The following LY86 variants were observed in gnomAD, a reference collection of about 807,000 sequenced individuals.
LY86 encodes MD-1, RP105-associated.
A neutral mutation model predicts 17.3 loss-of-function variants in LY86; 20 were observed. The observed-to-expected ratio is 1.15, with a 90% CI of 0.81 to 1.68. LY86 has a LOEUF of 1.68. Among genes scored for constraint, LY86 ranks in the 40% most tolerant of loss-of-function variants. The pLI is 0.00. For missense variants in LY86, 200 were observed against 191.9 expected (o/e 1.04, Z -0.25); for synonymous variants, 74 against 70.6 (o/e 1.05, Z -0.24).
intron 4 of LY86, among the ~76,000 whole-genome samples, chr6:6,650,157 T>A (rs1192989608): frequency 6.6e-6 from 1 of 152,188 alleles, no homozygotes; most frequent in Non-Finnish European, 1.5e-5. Context: ...TTGTTACTCA[T>A]AAGCTGCCAC....
At position 6,642,856 on chromosome 6, in the gene LY86, A is replaced by G. The variant is rs1307187829; in HGVS notation, c.353-6769A>G. ...AGAGCTCACTAGAACGAAGCCATGC[A>G]CTCCCTCCCTCCTCCTCCTCCGGAG... On this transcript the variant is annotated intron_variant, in intron 3 of 4. Coordinates refer to ENST00000230568, the MANE Select transcript of LY86 (RefSeq NM_004271.4). Among the ~76,000 whole-genome samples, 3 of 151,748 alleles carry G rather than the reference A, an allele frequency of 2.0e-5. No individual in the cohort carries two copies. In the East Asian group the frequency reaches 5.8e-4, roughly 29 times the overall value.
At chr6:6,598,044 T>C (rs1451996356) in intron 1 of LY86, among the ~76,000 whole-genome samples, 1 of 152,254 alleles carries the variant, frequency 6.6e-6, no homozygotes, top group African/African-American at 2.4e-5. Context: ...AGGGCCTCTC[T>C]GTGTGCTTTA....
At chr6:6,592,114 G>A (rs76628284) in intron 1 of LY86, among the ~76,000 whole-genome samples, 4,238 of 152,284 alleles carry the variant, frequency 0.028, 79 homozygotes, top group Middle Eastern at 0.061. Context: ...AATAATTCAG[G>A]AAAGAAACCA....
chr6:6,654,423 C>T, intron 4 of LY86, 121 bp from the exon 5 acceptor site: 5 of 738,898 alleles, frequency 6.8e-6, no homozygotes, highest in Non-Finnish European at 1.2e-5. Context: ...TTGTCTTGTT[C>T]TACGTTATCC....
chr6:6,602,674 C>T (rs1417811900), intron 1 of LY86, among the ~76,000 whole-genome samples: 2 of 152,054 alleles, frequency 1.3e-5, no homozygotes, highest in Non-Finnish European at 2.9e-5. Context: ...GTCCTGGGGA[C>T]CCTGGGGAGC....
At chr6:6,610,562 G>T (rs1194934303) in intron 1 of LY86, among the ~76,000 whole-genome samples, 2 of 152,170 alleles carry the variant, frequency 1.3e-5, no homozygotes, top group East Asian at 3.9e-4. Context: ...CAAGGTGAGT[G>T]CTAGCTGATG....
intron 1 of LY86, among the ~76,000 whole-genome samples, chr6:6,610,380 T>C (rs749910875): frequency 6.6e-6 from 1 of 152,132 alleles, no homozygotes; most frequent in African/African-American, 2.4e-5. Flanking sequence ...AGGCTACGCA[T>C]CTCCCTCTGC....
At chr6:6,632,998 G>A (rs948506671) in intron 3 of LY86, among the ~76,000 whole-genome samples, 18 of 152,262 alleles carry the variant, frequency 1.2e-4, no homozygotes, top group African/African-American at 4.1e-4. Context: ...TTTATCAAGC[G>A]TTCAACACAT....
intron 1 of LY86, among the ~76,000 whole-genome samples, chr6:6,613,275 C>G (rs985743984): frequency 6.6e-6 from 1 of 152,218 alleles, no homozygotes; most frequent in African/African-American, 2.4e-5. Context: ...GCCGTGCGCC[C>G]GCACTCCTCA....
intron 1 of LY86, among the ~76,000 whole-genome samples, chr6:6,612,563 A>G (rs796983802): frequency 3.9e-5 from 6 of 152,240 alleles, no homozygotes; most frequent in African/African-American, 9.6e-5. Flanking sequence ...ACCAGTTGTC[A>G]CTAGTGGAGC....
chr6:6,612,473 G>A (rs141907429), intron 1 of LY86, among the ~76,000 whole-genome samples: 48 of 152,220 alleles, frequency 3.2e-4, no homozygotes, highest in South Asian at 1.2e-3. Flanking sequence ...TAAAAGCAAT[G>A]CAGACCCAAA....
chr6:6,611,639 C>G (rs375162776), intron 1 of LY86, among the ~76,000 whole-genome samples: 2 of 152,256 alleles, frequency 1.3e-5, no homozygotes, highest in African/African-American at 4.8e-5. Context: ...GTCACCCACA[C>G]TGGTGCCTCC....
In LY86 at chr6:6,589,052, C is replaced by T. The variant is rs535938567; in HGVS notation, c.136+182C>T. Among the ~76,000 whole-genome samples the T allele has an allele frequency of 2.2e-4, 33 of 152,220 alleles. No individual in the cohort carries two copies. The South Asian group carries it at 6.8e-3, about 32-fold the overall frequency. ...GCTTTTGGAAGAAGGAGCGGTGGGG[C>T]CAGGACTGGGAGCGGAAGAGAATGG... On this transcript the variant is annotated intron_variant, in intron 1 of 4. Transcript: ENST00000230568.
chr6:6,609,985 C>G (rs1036931796), intron 1 of LY86, among the ~76,000 whole-genome samples: 12 of 152,154 alleles, frequency 7.9e-5, no homozygotes, highest in African/African-American at 2.9e-4. Context: ...GAAACAGGGT[C>G]TATGTTGCTC....
intron 3 of LY86, among the ~76,000 whole-genome samples, chr6:6,648,791 A>G (rs1762144323): frequency 6.6e-6 from 1 of 151,190 alleles, no homozygotes; most frequent in African/African-American, 2.4e-5. Context: ...AAGGAAACTG[A>G]GCCCAAAGAG....
intron 3 of LY86, among the ~76,000 whole-genome samples, chr6:6,647,963 TCACATACA>T (rs1554126765): frequency 1.6e-5 from 2 of 127,888 alleles, no homozygotes; most frequent in Admixed American, 8.1e-5. Flanking sequence ...TCTTCAATCA[TCACATACA>T]CACACACACA....
intron 1 of LY86, among the ~76,000 whole-genome samples, chr6:6,603,090 T>C (rs1760964656): frequency 6.7e-6 from 1 of 148,166 alleles, no homozygotes; most frequent in Non-Finnish European, 1.5e-5. Context: ...CCCGACTCTG[T>C]CCTTATATGG....
At chr6:6,613,872 C>T (rs1392106940) in intron 1 of LY86, among the ~76,000 whole-genome samples, 3 of 152,250 alleles carry the variant, frequency 2.0e-5, no homozygotes, top group Admixed American at 6.5e-5. Flanking sequence ...AACACTTAAC[C>T]AGCTCCCACA....
chr6:6,625,485 C>T (rs1214883684), intron 2 of LY86, among the ~76,000 whole-genome samples: 1 of 152,126 alleles, frequency 6.6e-6, no homozygotes, highest in East Asian at 1.9e-4. Context: ...TCTCTCCTAC[C>T]CCAATCAGTA....
Sources: allele counts gnomAD v4.1 joint callset (sites outside exome capture counted in the v4.1 genomes callset), GRCh38; gene constraint gnomAD v4.1.1; transcripts MANE v1.5; gene names NCBI Gene and HGNC (gene_info 2026-07-23, HGNC 2026-07-21).